The following PPP2R5E variants were observed in gnomAD, a reference collection of about 807,000 sequenced individuals.
The protein encoded by PPP2R5E is serine/threonine-protein phosphatase 2A 56 kDa regulatory subunit epsilon isoform.
A neutral mutation model predicts 65.3 loss-of-function variants in PPP2R5E; 4 were observed. The ratio of observed to expected loss-of-function variants is 0.06; its 90% CI spans 0.03 to 0.14. The LOEUF is 0.14. Among genes scored for constraint, PPP2R5E ranks in the 10% least tolerant of loss-of-function variants. PPP2R5E has a pLI of 1.00. For missense variants in PPP2R5E, 274 were observed against 556.1 expected (o/e 0.49, Z 5.10); for synonymous variants, 183 against 187.4 (o/e 0.98, Z 0.19).
At chr14:63,526,680 C>A (rs1487583410) in intron 2 of PPP2R5E, among the ~76,000 whole-genome samples, 2 of 152,156 alleles carry the variant, frequency 1.3e-5, no homozygotes, top group African/African-American at 2.4e-5. Context: ...CCTTGGCCTG[C>A]AGAGTAGCTG....
intron 3 of PPP2R5E, among the ~76,000 whole-genome samples, chr14:63,437,852 C>T (rs1888020152): frequency 1.3e-5 from 2 of 152,156 alleles, no homozygotes; most frequent in African/African-American, 4.8e-5. Context: ...TTATAACCAG[C>T]CTGATTTTTA....
chr14:63,427,050 T>G (rs1000037408), intron 3 of PPP2R5E, among the ~76,000 whole-genome samples: 1 of 152,250 alleles, frequency 6.6e-6, no homozygotes, highest in Non-Finnish European at 1.5e-5. Context: ...AAATCTTCCT[T>G]TATCACTGGC....
intron 3 of PPP2R5E, among the ~76,000 whole-genome samples, chr14:63,441,511 A>G (rs2139433306): frequency 6.6e-6 from 1 of 152,388 alleles, no homozygotes; most frequent in South Asian, 2.1e-4. Context: ...AGCAGCATCC[A>G]GCATAGATAT....
intron 2 of PPP2R5E, among the ~76,000 whole-genome samples, chr14:63,457,645 G>A (rs1381135447): frequency 1.3e-5 from 2 of 152,196 alleles, no homozygotes; most frequent in East Asian, 1.9e-4. Context: ...GGCCAGCAGA[G>A]GCCATCCCTG....
chr14:63,505,415 G>A (rs1047302416), intron 2 of PPP2R5E, among the ~76,000 whole-genome samples: 8 of 152,140 alleles, frequency 5.3e-5, no homozygotes, highest in African/African-American at 1.9e-4. Flanking sequence ...CTTTAAAATT[G>A]AAGAAATCCC....
At chr14:63,512,015 G>A (rs1233982459) in intron 2 of PPP2R5E, among the ~76,000 whole-genome samples, 1 of 148,774 alleles carries the variant, frequency 6.7e-6, no homozygotes, top group Non-Finnish European at 1.5e-5. Context: ...GAAGGCAGAG[G>A]TTGCAGTGAG....
chr14:63,483,020 A>G (rs1890790655), intron 2 of PPP2R5E, among the ~76,000 whole-genome samples: 1 of 152,180 alleles, frequency 6.6e-6, no homozygotes, highest in African/African-American at 2.4e-5. Flanking sequence ...AGAACATAAT[A>G]TAGGCCAGGC....
At chr14:63,528,380 A>G (rs1440076096) in intron 2 of PPP2R5E, among the ~76,000 whole-genome samples, 2 of 152,230 alleles carry the variant, frequency 1.3e-5, no homozygotes, top group Non-Finnish European at 2.9e-5. Flanking sequence ...GTCCTCAAAT[A>G]CGCAGAACAG....
chr14:63,444,423 G>C (rs1194753373), intron 3 of PPP2R5E, among the ~76,000 whole-genome samples: 1 of 152,044 alleles, frequency 6.6e-6, no homozygotes, highest in African/African-American at 2.4e-5. Flanking sequence ...TACTGTTCAC[G>C]TGAGTATTCC....
Position 63,453,889 on chromosome 14 carries a change from A to C in PPP2R5E, c.158-4T>G, listed in dbSNP as rs1888986239. The C allele has an allele frequency of 6.9e-7, 1 of 1,444,540 alleles. No homozygotes were observed. Among genetic ancestry groups the C allele is most frequent in the Non-Finnish European group, 9.1e-7 (1 of 1,094,304 alleles). 89.5% of individuals were successfully genotyped at this position (1,444,540 alleles called of 1,614,324 possible). A position where few individuals can be genotyped will look rare whatever the true frequency, so the allele number is the denominator to read the frequency against. On this transcript the variant is annotated splice_region_variant and splice_polypyrimidine_tract_variant and intron_variant, in intron 2 of 13. Coordinates refer to ENST00000337537, the MANE Select transcript of PPP2R5E (RefSeq NM_006246.5). ...GGCTGCTCTGAGGATGGAACGTCTAAGAAAAAAAAAGGAAATGGTGTAAGT... is the reference window on the plus strand; with the variant it reads ...GGCTGCTCTGAGGATGGAACGTCTACGAAAAAAAAAGGAAATGGTGTAAGT...
chr14:63,490,582 G>T (rs1476262196), intron 2 of PPP2R5E, among the ~76,000 whole-genome samples: 1 of 151,840 alleles, frequency 6.6e-6, no homozygotes, highest in African/African-American at 2.4e-5. Context: ...AAGGACATGA[G>T]CAAACACTTC....
chr14:63,390,167 CCT>C (rs1426479671), intron 10 of PPP2R5E, among the ~76,000 whole-genome samples: 5 of 152,050 alleles, frequency 3.3e-5, no homozygotes, highest in Non-Finnish European at 7.3e-5. Context: ...ACGTACAGCC[CCT>C]GCTACATGCT....
intron 2 of PPP2R5E, among the ~76,000 whole-genome samples, chr14:63,484,387 A>ATACACACAC (rs1566736526): frequency 6.6e-6 from 1 of 150,658 alleles, no homozygotes; most frequent in African/African-American, 2.5e-5. Context: ...ACACACACAC[A>ATACACACAC]AAGAATCGTA....
At chr14:63,434,207 T>A (rs1566699521) in intron 3 of PPP2R5E, among the ~76,000 whole-genome samples, 1 of 152,180 alleles carries the variant, frequency 6.6e-6, no homozygotes, top group Non-Finnish European at 1.5e-5. Context: ...AAAATCAGTC[T>A]CTTTTTAGTG....
chr14:63,390,799 T>G (rs1028965989), intron 10 of PPP2R5E, among the ~76,000 whole-genome samples: 8 of 152,240 alleles, frequency 5.3e-5, no homozygotes, highest in Non-Finnish European at 1.2e-4. Context: ...TGATCTTTTT[T>G]TCTGAGCCAT....
intron 5 of PPP2R5E, 44 bp from the exon 6 acceptor site, chr14:63,396,760 G>A: frequency 6.3e-7 from 1 of 1,594,932 alleles, no homozygotes; most frequent in Non-Finnish European, 8.5e-7. Context: ...GGCGGTTTCA[G>A]AAAAGGATTT....
At chr14:63,417,489 G>GAAA (rs61229217) in intron 4 of PPP2R5E, among the ~76,000 whole-genome samples, 1 of 121,442 alleles carries the variant, frequency 8.2e-6, no homozygotes. Context: ...TCATGAGGAG[G>GAAA]AAAAAAAAAA....
chr14:63,380,587 G>C (rs1466031567), intron 13 of PPP2R5E, among the ~76,000 whole-genome samples: 1 of 151,984 alleles, frequency 6.6e-6, no homozygotes, highest in Non-Finnish European at 1.5e-5. Context: ...GCATGAACCT[G>C]GGAGGCGGAG....
intron 3 of PPP2R5E, among the ~76,000 whole-genome samples, chr14:63,446,080 C>T (rs1888460622): frequency 6.6e-6 from 1 of 152,216 alleles, no homozygotes; most frequent in African/African-American, 2.4e-5. Context: ...AGTTGATTCC[C>T]TCTCAAGAAA....
Sources: gnomAD v4.1 joint callset for allele counts (sites outside exome capture counted in the v4.1 genomes callset) on GRCh38, gnomAD v4.1.1 for gene constraint, MANE v1.5 for transcripts, NCBI Gene and HGNC (gene_info 2026-07-23, HGNC 2026-07-21) for gene names.